Variants in GCSAML observed in about 807,000 individuals in gnomAD.
The protein encoded by GCSAML is germinal center-associated signaling and motility-like protein.
Under a neutral mutation model 13.0 loss-of-function variants are expected in GCSAML, and 9 were observed. The ratio of observed to expected loss-of-function variants is 0.69; its 90% confidence interval spans 0.42 to 1.21. The LOEUF is 1.21. Among genes scored for constraint, GCSAML ranks in the 50% most tolerant of loss-of-function variants. The pLI is 0.00. For synonymous variants in GCSAML, 37 were observed against 52.9 expected, an observed-to-expected ratio of 0.70 and a Z score of 1.31; for missense variants, 143 against 153.4, an observed-to-expected ratio of 0.93 and a Z score of 0.36.
chr1:247,514,886 T>C (rs892585676), intron 1 of GCSAML, among the ~76,000 whole-genome samples: 1 of 152,196 alleles, frequency 6.6e-6, no homozygotes, highest in East Asian at 1.9e-4. Flanking sequence ...AGTTTGAAGT[T>C]GGGTAACAAT....
intron 1 of GCSAML, among the ~76,000 whole-genome samples, chr1:247,555,172 A>G (rs73150460): frequency 0.045 from 6,844 of 152,220 alleles, 501 homozygotes; most frequent in African/African-American, 0.15. Flanking sequence ...CTTGTTTTCA[A>G]CTTTAAAATA....
intron 1 of GCSAML, among the ~76,000 whole-genome samples, chr1:247,509,750 T>A (rs1312227145): frequency 6.6e-6 from 1 of 152,188 alleles, no homozygotes; most frequent in Non-Finnish European, 1.5e-5. Flanking sequence ...TCTACATCTA[T>A]TTAGATAATC....
Position 247,574,200 on chromosome 1 carries a change from C to T in GCSAML, c.226C>T (p.Pro76Ser). 2.5e-6 allele frequency: 4 copies of T among 1,613,854 alleles called. No homozygotes were observed. The highest frequency in any genetic ancestry group is 3.4e-6 in the Non-Finnish European group (4 of 1,179,804). The change falls in exon 5 of 5, where the codon CCC (proline) becomes TCC (serine). Residue 76 changes from proline (P) to serine (S), a missense_variant. Pro to Ser is a moderately conservative substitution (Grantham distance 74, BLOSUM62 -1). Transcript: ENST00000366488. ...EVCYTVINHI[P>S]HQRSSLSSND... ...GTGCTACACTGTCATTAATCACATC[C>T]CCCATCAGAGATCCTCCCTGAGCTC... is the stretch of plus-strand genomic sequence containing the variant.
intron 1 of GCSAML, among the ~76,000 whole-genome samples, chr1:247,514,343 A>T (rs114401603): frequency 0.012 from 1,816 of 151,978 alleles, 42 homozygotes; most frequent in African/African-American, 0.041. Flanking sequence ...TCTCGCACTG[A>T]TTTGAGTTCT....
intron 2 of GCSAML, chr1:247,529,252 A>G (rs1324300908): frequency 2.6e-5 from 4 of 152,316 alleles, no homozygotes; most frequent in East Asian, 3.9e-4. Flanking sequence ...AATCATCACC[A>G]TGGCATCCCC....
chr1:247,560,718 T>C (rs1000392243), intron 2 of GCSAML, among the ~76,000 whole-genome samples: 1 of 152,178 alleles, frequency 6.6e-6, no homozygotes, highest in African/African-American at 2.4e-5. Context: ...CATTAACAAC[T>C]TAATATATTT....
At chr1:247,511,902 G>T (rs538074473) in intron 1 of GCSAML, among the ~76,000 whole-genome samples, 1 of 152,248 alleles carries the variant, frequency 6.6e-6, no homozygotes, top group South Asian at 2.1e-4. Flanking sequence ...GCTTCCCTTT[G>T]TTGGTAACCC....
At chr1:247,546,498 A>G (rs1019654157), upstream of GCSAML, among the ~76,000 whole-genome samples, 3 of 151,962 alleles carry the variant, frequency 2.0e-5, no homozygotes, top group Admixed American at 6.6e-5. Context: ...AGCTGGGACT[A>G]CAGGTGCCCG....
chr1:247,532,874 T>TAA (rs1667054649), intron 2 of GCSAML, among the ~76,000 whole-genome samples: 1 of 139,310 alleles, frequency 7.2e-6, no homozygotes, highest in African/African-American at 3.1e-5. Flanking sequence ...AAAGACTGGG[T>TAA]GGGGGGTGTT....
At position 247,577,681 on chromosome 1, in the gene GCSAML, C is replaced by A. The variant is rs368425840; in HGVS notation, c.*3299C>A. ...TGGCTATAAATGAATAAAGCGACTA[C>A]AAATTTGAATATCTAGGTGTGTTAG... is the stretch of plus-strand genomic sequence containing the variant. On this transcript the variant is annotated 3_prime_UTR_variant, in exon 5 of 5. Transcript: ENST00000366488. The A allele has an allele frequency of 3.3e-5, 5 of 152,136 alleles. No homozygotes were observed. Among genetic ancestry groups the A allele is most frequent in the African/African-American group, 9.7e-5 (4 of 41,412 alleles). The allele number at this position is 152,136 out of a possible 1,614,324, so 9.4% of individuals were successfully genotyped here. A position where few individuals can be genotyped will look rare whatever the true frequency, so the allele number is the denominator to read the frequency against.
chr1:247,551,564 C>T (rs908319416), intron 1 of GCSAML, among the ~76,000 whole-genome samples: 14 of 152,074 alleles, frequency 9.2e-5, no homozygotes, highest in African/African-American at 2.9e-4. Flanking sequence ...GAGAAATAGA[C>T]AATAAGCTCT....
intron 1 of GCSAML, among the ~76,000 whole-genome samples, chr1:247,515,255 A>G (rs1666172693): frequency 6.6e-6 from 1 of 152,248 alleles, no homozygotes; most frequent in South Asian, 2.1e-4. Flanking sequence ...AGCATGGAAA[A>G]TGAATAAAAG....
At chr1:247,536,137 A>G (rs1006557806) in intron 2 of GCSAML, 1 of 152,178 alleles carries the variant, frequency 6.6e-6, no homozygotes, top group African/African-American at 2.4e-5. Flanking sequence ...AACAACAACA[A>G]ACAAACGACA....
At chr1:247,509,482 A>G (rs745387899) in intron 1 of GCSAML, among the ~76,000 whole-genome samples, 19 of 151,946 alleles carry the variant, frequency 1.3e-4, no homozygotes, top group Non-Finnish European at 2.1e-4. Flanking sequence ...CTCTTCCTAT[A>G]TGAATAGGCT....
chr1:247,543,398 T>G (rs1262322957), intron 2 of GCSAML, among the ~76,000 whole-genome samples: 2 of 152,204 alleles, frequency 1.3e-5, no homozygotes, highest in Non-Finnish European at 2.9e-5. Context: ...TTATTATTAA[T>G]CTCTTGCTGT....
In GCSAML at chr1:247,538,501, C is replaced by T. The variant is rs147777302; in HGVS notation, c.-147-10544C>T. Reference sequence around the variant, plus strand: ...CCCATTCATATGTTGAAACCATAACCCACAATGTGACTATATTTGGAGATA... The same window carrying T: ...CCCATTCATATGTTGAAACCATAACTCACAATGTGACTATATTTGGAGATA... On this transcript the variant is annotated intron_variant, in intron 2 of 5. Coordinates refer to the GCSAML transcript ENST00000366489. Among the ~76,000 whole-genome samples, 72 of 152,136 alleles carry T rather than the reference C, an allele frequency of 4.7e-4. 2 individuals are homozygous for T. The East Asian group carries it at 0.013, about 27-fold the overall frequency.
upstream of GCSAML, among the ~76,000 whole-genome samples, chr1:247,546,734 CTT>C (rs1667595547): frequency 6.6e-6 from 1 of 151,886 alleles, no homozygotes; most frequent in Admixed American, 6.6e-5. Context: ...TTTTTGGAAA[CTT>C]TTAAATCAAT....
At position 247,576,752 on chromosome 1, in the gene GCSAML, A is replaced by T. The variant is rs1305133141; in HGVS notation, c.*2370A>T. On this transcript the variant is annotated 3_prime_UTR_variant, in exon 5 of 5. Coordinates refer to ENST00000366488, the MANE Select transcript of GCSAML (RefSeq NM_145278.5). ...TTAATGTGCGGAAGGGAAACAATAG[A>T]AATTTTGCAATTCTAGAAAAGTCAT... The T allele has an allele frequency of 6.6e-6, 1 of 152,198 alleles. No individual in the cohort carries two copies. Among genetic ancestry groups the T allele is most frequent in the Non-Finnish European group, 1.5e-5 (1 of 68,040 alleles). The allele number at this position is 152,198 out of a possible 1,614,324, so 9.4% of individuals were successfully genotyped here.
At chr1:247,556,570 G>T (rs2103045629) in intron 2 of GCSAML, 104 bp downstream of exon 2, 1 of 742,858 alleles carries the variant, frequency 1.3e-6, no homozygotes, top group Non-Finnish European at 2.2e-6. Flanking sequence ...ACCCCTTAGG[G>T]CCGCTATAAT....
Sources: gnomAD v4.1 joint callset for allele counts (sites outside exome capture counted in the v4.1 genomes callset) on GRCh38, gnomAD v4.1.1 for gene constraint, MANE v1.5 for transcripts, NCBI Gene and HGNC (gene_info 2026-07-23, HGNC 2026-07-21) for gene names.